Variants in CCDC150 observed in about 807,000 individuals in gnomAD.
CCDC150 encodes the protein coiled-coil domain-containing protein 150.
CCDC150 carries 151 observed loss-of-function variants against 156.5 expected under a neutral mutation model. The observed-to-expected ratio is 0.97, with a 90% confidence interval of 0.85 to 1.10. The LOEUF (loss-of-function observed/expected upper bound fraction) is 1.10. Among genes scored for constraint, CCDC150 ranks in the 50% least tolerant of loss-of-function variants. The pLI, the probability that CCDC150 is intolerant of heterozygous loss-of-function variation, is 0.00. For missense variants in CCDC150, 1,312 were observed against 1,268.1 expected (o/e 1.03, Z -0.53); for synonymous variants, 452 against 429.4 (o/e 1.05, Z -0.65).
chr2:196,732,213 T>A, intron 27 of CCDC150, 61 bp downstream of exon 27: 1 of 1,580,534 alleles, frequency 6.3e-7, no homozygotes, highest in Non-Finnish European at 8.7e-7. Context: ...AGATTTCTAA[T>A]TACCGAAGTT....
chr2:196,659,154 T>G (rs1238869077), intron 5 of CCDC150, among the ~76,000 whole-genome samples: 3 of 152,202 alleles, frequency 2.0e-5, no homozygotes, highest in African/African-American at 7.2e-5. Context: ...AAGTGGACAC[T>G]TTCTTGCAAA....
chr2:196,651,660 C>G (rs1050116111), intron 2 of CCDC150, among the ~76,000 whole-genome samples: 6 of 152,144 alleles, frequency 3.9e-5, no homozygotes, highest in Non-Finnish European at 8.8e-5. Flanking sequence ...TATGGGTTCT[C>G]TTTTATGTAA....
At chr2:196,663,608 C>T (rs1238600369) in intron 5 of CCDC150, among the ~76,000 whole-genome samples, 1 of 151,910 alleles carries the variant, frequency 6.6e-6, no homozygotes, top group Admixed American at 6.6e-5. Flanking sequence ...TTCAGGAGAG[C>T]AGTATTTACA....
intron 10 of CCDC150, 53 bp from the exon 11 acceptor site, chr2:196,676,090 C>T (rs1694482981): frequency 6.3e-7 from 1 of 1,583,922 alleles, no homozygotes; most frequent in South Asian, 1.1e-5. Flanking sequence ...AAATGACACC[C>T]TATCAAAAGA....
intron 13 of CCDC150, among the ~76,000 whole-genome samples, chr2:196,688,754 T>G (rs1695265349): frequency 6.6e-6 from 1 of 151,916 alleles, no homozygotes; most frequent in Non-Finnish European, 1.5e-5. Flanking sequence ...TTTAATTAGA[T>G]CCCATTTGTC....
At chr2:196,711,504 A>G (rs1442990314) in intron 15 of CCDC150, among the ~76,000 whole-genome samples, 18 of 152,168 alleles carry the variant, frequency 1.2e-4, no homozygotes, top group Admixed American at 1.2e-3. Flanking sequence ...GGATAAGAGG[A>G]AGCAAATATG....
intron 1 of CCDC150, among the ~76,000 whole-genome samples, chr2:196,643,968 T>A (rs771140081): frequency 2.3e-4 from 35 of 152,354 alleles, no homozygotes; most frequent in Admixed American, 5.2e-4. Context: ...CTCTGTCTTT[T>A]CCTTGTGTTT....
intron 12 of CCDC150, 29 bp from the exon 13 acceptor site, chr2:196,677,264 T>G: frequency 1.4e-6 from 2 of 1,475,432 alleles, no homozygotes; most frequent in Non-Finnish European, 1.9e-6. Flanking sequence ...ATTGACCTAT[T>G]CCTTTTTTTT....
chr2:196,659,392 T>G (rs948946398), intron 5 of CCDC150, among the ~76,000 whole-genome samples: 4 of 152,284 alleles, frequency 2.6e-5, no homozygotes, highest in East Asian at 1.9e-4. Flanking sequence ...GAAACCTCAA[T>G]ATTCCCTGAC....
intron 2 of CCDC150, among the ~76,000 whole-genome samples, chr2:196,653,975 TGAA>T (rs1021563714): frequency 3.5e-4 from 53 of 152,060 alleles, no homozygotes; most frequent in African/African-American, 1.2e-3. Context: ...GGGGAGCAGG[TGAA>T]GAAGAAGAAG....
intron 2 of CCDC150, among the ~76,000 whole-genome samples, chr2:196,651,115 T>A (rs1262329421): frequency 6.6e-6 from 1 of 152,204 alleles, no homozygotes. Context: ...AAAAACACAG[T>A]AGGCTATTTT....
At chr2:196,728,196 T>C (rs1159772292) in intron 22 of CCDC150, among the ~76,000 whole-genome samples, 4 of 152,158 alleles carry the variant, frequency 2.6e-5, no homozygotes, top group Admixed American at 6.5e-5. Flanking sequence ...GTAAAGTAAT[T>C]ATCACAGTGC....
At chr2:196,696,293 A>AG (rs1695821647) in intron 14 of CCDC150, among the ~76,000 whole-genome samples, 1 of 152,038 alleles carries the variant, frequency 6.6e-6, no homozygotes, top group Non-Finnish European at 1.5e-5. Flanking sequence ...ACTGTCTCAG[A>AG]GAAAAAAAAA....
chr2:196,714,867 C>T (rs1697394579), intron 17 of CCDC150, among the ~76,000 whole-genome samples: 2 of 152,070 alleles, frequency 1.3e-5, no homozygotes, highest in African/African-American at 4.8e-5. Context: ...TTCTTGTATA[C>T]TTTTCTAGAA....
chr2:196,661,692 G>T (rs970262028), intron 5 of CCDC150, among the ~76,000 whole-genome samples: 7 of 152,104 alleles, frequency 4.6e-5, no homozygotes, highest in African/African-American at 1.7e-4. Context: ...ATATAAAATA[G>T]ATACAAAATC....
At chr2:196,705,735 G>A (rs1360127735) in intron 15 of CCDC150, among the ~76,000 whole-genome samples, 1 of 152,180 alleles carries the variant, frequency 6.6e-6, no homozygotes, top group East Asian at 1.9e-4. Context: ...TGTATAAGGT[G>A]TAAGGAAGGG....
At position 196,712,731 on chromosome 2, in the gene CCDC150, C is replaced by G. The variant is rs112081371; in HGVS notation, c.1858C>G (p.Leu620Val). The G allele has an allele frequency of 1.2e-5, 20 of 1,609,696 alleles. No homozygotes were observed. The African/African-American group carries it at 1.5e-4, about 12-fold the overall frequency. Reference protein sequence around the residue: ...RVHLQQADAHLKEVKSILERS... With the variant: ...RVHLQQADAHVKEVKSILERS... ...ACACCTGCAGCAGGCAGATGCTCAC[C>G]TGAAAGAAGTATTGGTAATGAAAGT... Residue 620 changes from leucine (L) to valine (V), a missense_variant, in exon 17 of 28, where the codon CTG (leucine) becomes GTG (valine). By Grantham distance (32) the Leu-to-Val change is conservative. Transcript: ENST00000389175.
chr2:196,666,720 T>G lies in CCDC150; in HGVS notation c.764T>G (p.Val255Gly). 6.3e-7 allele frequency: 1 copy of G among 1,596,028 alleles called. No individual in the cohort carries two copies. The highest frequency in any genetic ancestry group is 8.5e-7 in the Non-Finnish European group (1 of 1,173,326). ...AGAGTTTTTCTTATACAATTTCAGGTGCACATTTTGCAGCAAAACTGCATT... is the reference window on the plus strand; with the variant it reads ...AGAGTTTTTCTTATACAATTTCAGGGGCACATTTTGCAGCAAAACTGCATT... ...GSTVEVERKQ[V>G]HILQQNCIAL... Residue 255 changes from valine to glycine, a missense_variant and splice_region_variant, in exon 7 of 28, where the codon GTG becomes GGG. Physicochemically the swap from Val to Gly is moderately radical, Grantham distance 109 (BLOSUM62 -3). Coordinates refer to ENST00000389175, the MANE Select transcript of CCDC150 (RefSeq NM_001080539.2).
At chr2:196,676,362 A>C in intron 11 of CCDC150, 95 bp downstream of exon 11, 1 of 1,486,848 alleles carries the variant, frequency 6.7e-7, no homozygotes, top group Admixed American at 2.0e-5. Context: ...CAATGAAAAC[A>C]TTTGATTCTG....
Sources: gnomAD v4.1 joint callset for allele counts (sites outside exome capture counted in the v4.1 genomes callset) on GRCh38, gnomAD v4.1.1 for gene constraint, MANE v1.5 for transcripts, NCBI Gene and HGNC (gene_info 2026-07-23, HGNC 2026-07-21) for gene names.